The following SNTG2 variants were observed in gnomAD, a reference collection of about 807,000 sequenced individuals.
SNTG2 encodes gamma-2-syntrophin.
A neutral mutation model predicts 70.9 loss-of-function variants in SNTG2; 74 were observed. The ratio of observed to expected loss-of-function variants is 1.04; its 90% CI spans 0.86 to 1.27. The LOEUF is 1.27. Ranked by LOEUF, SNTG2 falls within the 50% of genes most tolerant of loss-of-function variation. SNTG2 has a pLI of 0.00. For missense variants in SNTG2, 717 were observed against 690.7 expected, an observed-to-expected ratio of 1.04 and a Z score of -0.43; for synonymous variants, 278 against 273.8, an observed-to-expected ratio of 1.02 and a Z score of -0.15.
At chr2:1,115,519 T>A (rs1444023989) in intron 4 of SNTG2, among the ~76,000 whole-genome samples, 1 of 152,090 alleles carries the variant, frequency 6.6e-6, no homozygotes, top group South Asian at 2.1e-4. Context: ...TTGAGGAGGA[T>A]CATGTGTACT....
At chr2:1,008,255 G>T (rs1558307438) in intron 1 of SNTG2, among the ~76,000 whole-genome samples, 1 of 152,050 alleles carries the variant, frequency 6.6e-6, no homozygotes, top group Non-Finnish European at 1.5e-5. Context: ...TTTAGTTAGG[G>T]GACATTTCGA....
intron 1 of SNTG2, among the ~76,000 whole-genome samples, chr2:1,026,394 A>G (rs1468298796): frequency 6.6e-6 from 1 of 152,222 alleles, no homozygotes; most frequent in Non-Finnish European, 1.5e-5. Context: ...AGAATCTGCT[A>G]TTCAGTGCAT....
At chr2:1,005,841 AT>A (rs1659551033) in intron 1 of SNTG2, among the ~76,000 whole-genome samples, 1 of 19,832 alleles carries the variant, frequency 5.0e-5, no homozygotes, top group Admixed American at 7.2e-4. Flanking sequence ...ATATATATAT[AT>A]ATATATATAT....
chr2:1,225,197 G>T (rs1484297883), intron 9 of SNTG2, among the ~76,000 whole-genome samples: 4 of 152,112 alleles, frequency 2.6e-5, no homozygotes, highest in Admixed American at 6.5e-5. Flanking sequence ...ATAACAACAG[G>T]ACTTTCTTCA....
chr2:1,228,362 T>G (rs1675940888), intron 9 of SNTG2, among the ~76,000 whole-genome samples: 1 of 152,190 alleles, frequency 6.6e-6, no homozygotes, highest in South Asian at 2.1e-4. Flanking sequence ...GGTTCCCTGC[T>G]GGGGGGAGGA....
intron 1 of SNTG2, among the ~76,000 whole-genome samples, chr2:971,695 C>T: frequency 6.9e-6 from 1 of 144,856 alleles, no homozygotes; most frequent in East Asian, 2.0e-4. Flanking sequence ...CTTCTGCTAG[C>T]TTTGGGGTCA....
chr2:1,296,022 T>C (rs1294842322), intron 14 of SNTG2, among the ~76,000 whole-genome samples: 85 of 117,896 alleles, frequency 7.2e-4, no homozygotes, highest in Middle Eastern at 7.8e-3. Flanking sequence ...TCGATGGCTT[T>C]CACTGTAGAA....
intron 14 of SNTG2, among the ~76,000 whole-genome samples, chr2:1,300,215 T>A (rs1242285985): frequency 6.6e-6 from 1 of 151,730 alleles, no homozygotes; most frequent in African/African-American, 2.4e-5. Context: ...CCATCACCGC[T>A]CTGAAGGGTG....
intron 14 of SNTG2, among the ~76,000 whole-genome samples, chr2:1,275,158 C>T (rs539832394): frequency 6.6e-6 from 1 of 152,350 alleles, no homozygotes; most frequent in South Asian, 2.1e-4. Context: ...AGCCACCCAC[C>T]AGGGCGGAGC....
chr2:1,147,675 G>GTAA (rs1669188999), intron 6 of SNTG2, among the ~76,000 whole-genome samples: 1 of 152,156 alleles, frequency 6.6e-6, no homozygotes, highest in Admixed American at 6.5e-5. Context: ...ACCCAAGTAT[G>GTAA]GGGGGTAAGA....
chr2:1,086,153 C>A (rs1253498644), intron 2 of SNTG2, among the ~76,000 whole-genome samples: 1 of 152,152 alleles, frequency 6.6e-6, no homozygotes. Flanking sequence ...AAACAGACAA[C>A]CACAAGCAGC....
chr2:1,162,672 C>T (rs534942226), intron 6 of SNTG2, among the ~76,000 whole-genome samples: 131 of 152,154 alleles, frequency 8.6e-4, no homozygotes, highest in African/African-American at 3.0e-3. Flanking sequence ...GGAAGGGTGT[C>T]GTCGCCGTCA....
At chr2:1,025,474 T>C (rs888654809) in intron 1 of SNTG2, among the ~76,000 whole-genome samples, 1 of 152,148 alleles carries the variant, frequency 6.6e-6, no homozygotes, top group African/African-American at 2.4e-5. Flanking sequence ...ATATTTTTAG[T>C]TCTGGAGGTA....
At chr2:1,125,179 G>T (rs1443504471) in intron 4 of SNTG2, among the ~76,000 whole-genome samples, 1 of 152,026 alleles carries the variant, frequency 6.6e-6, no homozygotes, top group Admixed American at 6.6e-5. Flanking sequence ...TTATTTAAAA[G>T]TCTTCATTTT....
intron 1 of SNTG2, among the ~76,000 whole-genome samples, chr2:997,538 G>A (rs1053794231): frequency 6.6e-6 from 1 of 152,224 alleles, no homozygotes; most frequent in African/African-American, 2.4e-5. Flanking sequence ...TGACTGTGCT[G>A]TGGGACACAG....
intron 12 of SNTG2, among the ~76,000 whole-genome samples, chr2:1,247,858 TA>T (rs1238545860): frequency 1.3e-5 from 2 of 152,142 alleles, no homozygotes; most frequent in Admixed American, 6.5e-5. Context: ...AAGTTTTATT[TA>T]AAAAATAAGC....
At chr2:1,256,629 T>G (rs1055823343) in intron 12 of SNTG2, 1 of 152,060 alleles carries the variant, frequency 6.6e-6, no homozygotes, top group African/African-American at 2.4e-5. Context: ...TGGTGATTTT[T>G]TTTTTCTGGC....
At chr2:1,070,583 A>T (rs1663467213) in intron 1 of SNTG2, among the ~76,000 whole-genome samples, 1 of 152,166 alleles carries the variant, frequency 6.6e-6, no homozygotes, top group South Asian at 2.1e-4. Context: ...TAAATATCTT[A>T]CTTACATGCA....
At chr2:1,129,380 G>A (rs975660116) in intron 4 of SNTG2, among the ~76,000 whole-genome samples, 2 of 152,146 alleles carry the variant, frequency 1.3e-5, no homozygotes, top group Admixed American at 6.6e-5. Flanking sequence ...ATGGTACATC[G>A]TTTCTTTTAT....
Sources: gnomAD v4.1 joint callset for allele counts (sites outside exome capture counted in the v4.1 genomes callset) on GRCh38, gnomAD v4.1.1 for gene constraint, MANE v1.5 for transcripts, NCBI Gene and HGNC (gene_info 2026-07-23, HGNC 2026-07-21) for gene names.